The following ENOX1 variants were observed in gnomAD, a reference collection of about 807,000 sequenced individuals.
ENOX1 encodes the protein ecto-NOX disulfide-thiol exchanger 1, also known as candidate growth-related and time keeping constitutive hydroquinone (NADH) oxidase.
In ENOX1, 42 loss-of-function variants were observed where a neutral mutation model predicts 82.5. The observed-to-expected ratio is 0.51, with a 90% CI of 0.40 to 0.66. The LOEUF (loss-of-function observed/expected upper bound fraction) is 0.66. ENOX1 is among the 30% of genes least tolerant of loss of function. ENOX1 has a pLI of 0.00. For synonymous variants in ENOX1, 271 were observed against 282.2 expected (o/e 0.96, Z 0.40); for missense variants, 608 against 811.6 (o/e 0.75, Z 3.05).
At chr13:43,371,432 GTAA>G (rs1566060007) in intron 5 of ENOX1, among the ~76,000 whole-genome samples, 1 of 152,108 alleles carries the variant, frequency 6.6e-6, no homozygotes, top group Non-Finnish European at 1.5e-5. Flanking sequence ...TTGAAGTCAG[GTAA>G]TAGCCTGGTG....
chr13:43,733,003 G>A (rs1223857651), intron 1 of ENOX1, among the ~76,000 whole-genome samples: 1 of 152,012 alleles, frequency 6.6e-6, no homozygotes, highest in Non-Finnish European at 1.5e-5. Flanking sequence ...ACACCTAACT[G>A]GCTGGGTCAG....
intron 12 of ENOX1, among the ~76,000 whole-genome samples, chr13:43,278,268 T>C (rs1566404516): frequency 6.6e-6 from 1 of 152,244 alleles, no homozygotes; most frequent in Non-Finnish European, 1.5e-5. Flanking sequence ...TCTAGCTTTA[T>C]ACAGTCTGCC....
chr13:43,771,215 A>C (rs923850743), intron 1 of ENOX1, among the ~76,000 whole-genome samples: 1 of 152,186 alleles, frequency 6.6e-6, no homozygotes, highest in Non-Finnish European at 1.5e-5. Flanking sequence ...CAGAGCAATG[A>C]CACAGCTGCC....
At chr13:43,394,637 C>CTTGGGAG (rs1161350606) in intron 5 of ENOX1, 1 of 152,392 alleles carries the variant, frequency 6.6e-6, no homozygotes, top group Non-Finnish European at 1.5e-5. Flanking sequence ...ACCAAGCACA[C>CTTGGGAG]CAAGTTCATG....
intron 2 of ENOX1, among the ~76,000 whole-genome samples, chr13:43,569,958 G>C (rs183275830): frequency 6.6e-6 from 1 of 152,144 alleles, no homozygotes; most frequent in Non-Finnish European, 1.5e-5. Flanking sequence ...ATAGTTGCAC[G>C]AATCAGGTGC....
At chr13:43,382,098 T>G (rs113841265) in intron 5 of ENOX1, among the ~76,000 whole-genome samples, 14 of 152,234 alleles carry the variant, frequency 9.2e-5, no homozygotes, top group Admixed American at 2.6e-4. Context: ...AGCATGAACT[T>G]TGATGCAAAT....
chr13:43,466,112 T>C (rs1022048706), intron 3 of ENOX1, among the ~76,000 whole-genome samples: 4 of 152,320 alleles, frequency 2.6e-5, no homozygotes, highest in African/African-American at 9.6e-5. Flanking sequence ...TGACCACTTG[T>C]AGCCCTAGGC....
At chr13:43,447,022 C>T (rs939503472) in intron 3 of ENOX1, among the ~76,000 whole-genome samples, 10 of 152,210 alleles carry the variant, frequency 6.6e-5, no homozygotes, top group African/African-American at 2.4e-4. Context: ...GCCATGAGAA[C>T]ATAGTGGCCT....
chr13:43,684,719 T>G (rs567932265), intron 1 of ENOX1, among the ~76,000 whole-genome samples: 151 of 152,322 alleles, frequency 9.9e-4, no homozygotes, highest in African/African-American at 2.7e-3. Context: ...GAGACTGATA[T>G]GACCTCTTTG....
intron 11 of ENOX1, among the ~76,000 whole-genome samples, chr13:43,302,043 G>A (rs1371396035): frequency 1.3e-5 from 2 of 151,278 alleles, no homozygotes; most frequent in African/African-American, 2.4e-5. Flanking sequence ...GTGTCATCAA[G>A]CTTCCATAAT....
At chr13:43,597,080 T>G (rs2081506202) in intron 2 of ENOX1, among the ~76,000 whole-genome samples, 1 of 152,170 alleles carries the variant, frequency 6.6e-6, no homozygotes, top group Admixed American at 6.5e-5. Flanking sequence ...GAAGAAAGCA[T>G]GTCTTACCAT....
At chr13:43,409,970 G>A (rs1210542665) in intron 5 of ENOX1, among the ~76,000 whole-genome samples, 3 of 152,164 alleles carry the variant, frequency 2.0e-5, no homozygotes, top group African/African-American at 7.2e-5. Context: ...GACCCTGAAA[G>A]GCTCAAAAAC....
At chr13:43,393,065 G>C (rs2052898134) in intron 5 of ENOX1, among the ~76,000 whole-genome samples, 1 of 152,120 alleles carries the variant, frequency 6.6e-6, no homozygotes, top group East Asian at 1.9e-4. Flanking sequence ...TTTTACGTTA[G>C]TCATTAGAAA....
At chr13:43,301,582 C>A (rs867893729) in intron 11 of ENOX1, among the ~76,000 whole-genome samples, 31 of 139,992 alleles carry the variant, frequency 2.2e-4, no homozygotes, top group Non-Finnish European at 2.2e-4. Flanking sequence ...ATTCCCCCAC[C>A]AAAAAAAAAA....
chr13:43,731,590 A>G (rs1385025588), intron 1 of ENOX1, among the ~76,000 whole-genome samples: 1 of 152,088 alleles, frequency 6.6e-6, no homozygotes, highest in Non-Finnish European at 1.5e-5. Context: ...GAGTAAGAGA[A>G]GATTGAAAAT....
At chr13:43,378,466 A>C (rs1011405756) in intron 5 of ENOX1, among the ~76,000 whole-genome samples, 5 of 152,222 alleles carry the variant, frequency 3.3e-5, no homozygotes, top group Non-Finnish European at 7.3e-5. Context: ...AAGCTAAAGA[A>C]AGAAACACCC....
chr13:43,751,629 A>G (rs1203719577), intron 1 of ENOX1, among the ~76,000 whole-genome samples: 1 of 152,288 alleles, frequency 6.6e-6, no homozygotes, highest in East Asian at 1.9e-4. Context: ...GAATCATGCA[A>G]TATGTAGTCT....
chr13:43,302,223 T>C (rs1025374591), intron 11 of ENOX1, among the ~76,000 whole-genome samples: 6 of 152,130 alleles, frequency 3.9e-5, no homozygotes, highest in Admixed American at 6.5e-5. Flanking sequence ...CAATTTCCGA[T>C]AATAAAAAAA....
intron 13 of ENOX1, 46 bp downstream of exon 13, chr13:43,269,412 AGGTATGCAATGG>A: frequency 7.9e-7 from 1 of 1,262,246 alleles, no homozygotes; most frequent in Non-Finnish European, 1.2e-6. Flanking sequence ...CGCACAAGGG[AGGTATGCAATGG>A]GGTGTTTGGA....
Sources: allele counts gnomAD v4.1 joint callset (sites outside exome capture counted in the v4.1 genomes callset), GRCh38; gene constraint gnomAD v4.1.1; transcripts MANE v1.5; gene names NCBI Gene and HGNC (gene_info 2026-07-23, HGNC 2026-07-21).